Variants in TBCD observed in about 807,000 individuals in gnomAD.
TBCD encodes the protein tubulin folding cofactor D, also known as tubulin-specific chaperone D.
In TBCD, 105 loss-of-function variants were observed where a neutral mutation model predicts 169.3. The observed-to-expected ratio is 0.62, with a 90% CI of 0.53 to 0.73. The LOEUF is 0.73. Among genes scored for constraint, TBCD ranks in the 30% least tolerant of loss-of-function variants. TBCD has a pLI of 0.00. For synonymous variants in TBCD, 700 were observed against 643.9 expected (o/e 1.09, Z -1.32); for missense variants, 1,444 against 1,600.1 (o/e 0.90, Z 1.66).
chr17:82,758,384 G>GGA (rs1555672563), intron 2 of TBCD, among the ~76,000 whole-genome samples: 34 of 25,016 alleles, frequency 1.4e-3, no homozygotes, highest in South Asian at 3.9e-3. Flanking sequence ...AAACGTCTCG[G>GGA]AAAAAAAAAA....
chr17:82,910,855 G>A (rs561639145), intron 22 of TBCD, among the ~76,000 whole-genome samples: 51 of 152,286 alleles, frequency 3.3e-4, no homozygotes, highest in African/African-American at 1.1e-3. Context: ...CTGAGCCACC[G>A]CGCCCAGCCT....
At chr17:82,900,495 T>A in intron 17 of TBCD, 156 bp from the exon 18 acceptor site, 1 of 625,052 alleles carries the variant, frequency 1.6e-6, no homozygotes, top group Non-Finnish European at 2.9e-6. Flanking sequence ...GCTCTTTTCT[T>A]TTGGGTAACT....
At chr17:82,768,276 C>T in intron 4 of TBCD, 144 bp from the exon 5 acceptor site, 1 of 973,426 alleles carries the variant, frequency 1.0e-6, no homozygotes, top group South Asian at 1.6e-5. Context: ...GAACGGCTTG[C>T]ATTTCTGGCC....
At chr17:82,907,848 C>A in intron 21 of TBCD, 27 bp downstream of exon 21, 2 of 1,609,204 alleles carry the variant, frequency 1.2e-6, no homozygotes, top group Non-Finnish European at 1.7e-6. Flanking sequence ...TGGGTGTACC[C>A]TCAGGAGGCA....
chr17:82,831,268 T>G lies in TBCD; in HGVS notation c.1318+16334T>G. On this transcript the variant is annotated intron_variant, in intron 13 of 38. Transcript: ENST00000355528. The surrounding 1 kb of genome is among the most constrained non-coding windows in gnomAD (Gnocchi z 4.6). ...TGCGCGGGGGCTCATTTTGGACCCT[T>G]CCGTGTCTCTCTGCCCAGCCTTGGA... is the stretch of plus-strand genomic sequence containing the variant. 1.2e-6 allele frequency: 2 copies of G among 1,613,870 alleles called. No individual in the cohort carries two copies. The highest frequency in any genetic ancestry group is 1.7e-6 in the Non-Finnish European group (2 of 1,180,028).
intron 13 of TBCD, among the ~76,000 whole-genome samples, chr17:82,837,637 G>C (rs1422275055): frequency 6.6e-6 from 1 of 152,112 alleles, no homozygotes; most frequent in Non-Finnish European, 1.5e-5. Context: ...AGACCTCGGT[G>C]TGATCCTGAA....
At chr17:82,863,201 A>G (rs1175060643) in intron 13 of TBCD, among the ~76,000 whole-genome samples, 2 of 152,216 alleles carry the variant, frequency 1.3e-5, no homozygotes, top group African/African-American at 4.8e-5. Context: ...GTCCAGGCTT[A>G]GTCCTCAGAT....
chr17:82,868,314 G>A (rs1172484033), intron 13 of TBCD, among the ~76,000 whole-genome samples: 1 of 152,136 alleles, frequency 6.6e-6, no homozygotes, highest in Admixed American at 6.5e-5. Context: ...GTGGCTTGGA[G>A]AGGGGTGGGC....
intron 8 of TBCD, among the ~76,000 whole-genome samples, chr17:82,798,320 G>A (rs1297390331): frequency 6.6e-6 from 1 of 151,978 alleles, no homozygotes; most frequent in African/African-American, 2.4e-5. Context: ...CTAATTTTTT[G>A]TATTTTTAGT....
chr17:82,906,786 C>T (rs547178320), intron 20 of TBCD, among the ~76,000 whole-genome samples: 3 of 152,272 alleles, frequency 2.0e-5, no homozygotes, highest in Non-Finnish European at 2.9e-5. Context: ...AAGCTCTGGT[C>T]GGCCCCGAGC....
chr17:82,772,620 T>A lies in TBCD; in HGVS notation c.638+113T>A, dbSNP rs1365879866. 3.5e-6 allele frequency: 4 copies of A among 1,137,224 alleles called. No individual in the cohort carries two copies. In the African/African-American group the frequency reaches 4.6e-5, roughly 13 times the overall value. The allele number at this position is 1,137,224 out of a possible 1,614,324, so 70.4% of individuals were successfully genotyped here. On this transcript the variant is annotated intron_variant, in intron 6 of 38. Transcript: ENST00000355528. ...TCCTCAGACGAAGGACCCCGGGAAG[T>A]CTTTGGACTCTGTGGCTTTCTCTGA...
chr17:82,800,996 G>T lies in TBCD; in HGVS notation c.950G>T (p.Arg317Met). 1 of 1,606,794 alleles carries T rather than the reference G, an allele frequency of 6.2e-7. No individual in the cohort carries two copies. Among genetic ancestry groups the T allele is most frequent in the Non-Finnish European group, 8.5e-7 (1 of 1,177,624 alleles). The change falls in exon 9 of 39, where the codon AGG becomes ATG. Residue 317 changes from arginine (R) to methionine (M), a missense_variant and splice_region_variant. Coordinates refer to ENST00000355528, the MANE Select transcript of TBCD (RefSeq NM_005993.5). ...CTGAAGCCGAAGGTGGCAGCATGGA[G>T]GTAGGCACCATGAGGGCGGTGCCTG... ...TFLKPKVAAW[R>M]YQRGCRSLAA...
chr17:82,809,165 C>T (rs139258113), intron 11 of TBCD, among the ~76,000 whole-genome samples: 144 of 152,178 alleles, frequency 9.5e-4, no homozygotes, highest in Non-Finnish European at 1.8e-3. Context: ...GATGGGCCCA[C>T]GCAGTGAGAG....
chr17:82,930,133 C>T lies in TBCD; in HGVS notation c.2992-389C>T, dbSNP rs886579599. Reference sequence around the variant, plus strand: ...AGGTGCCCTCTGCGCCGTGCGGGCGCGTGCGGGGAGACCCGGGCCACATGC... The same window carrying T: ...AGGTGCCCTCTGCGCCGTGCGGGCGTGTGCGGGGAGACCCGGGCCACATGC... On this transcript the variant is annotated intron_variant, in intron 32 of 38. Transcript: ENST00000355528. This position sits in a 1 kb window ranked among gnomAD's most constrained non-coding sequence, Gnocchi z 5.2. 13 of 283,836 alleles carry T rather than the reference C, an allele frequency of 4.6e-5. No individual in the cohort carries two copies. The highest frequency in any genetic ancestry group is 2.2e-4 in the African/African-American group (10 of 44,926). 17.6% of individuals were successfully genotyped at this position (283,836 alleles called of 1,614,324 possible).
intron 12 of TBCD, among the ~76,000 whole-genome samples, chr17:82,812,002 G>C (rs1317143416): frequency 6.6e-6 from 1 of 152,214 alleles, no homozygotes; most frequent in African/African-American, 2.4e-5. Flanking sequence ...TTCAGGATCT[G>C]TGTGGCTGAT....
chr17:82,794,638 C>A lies in TBCD; in HGVS notation c.772-3119C>A, dbSNP rs545286328. On this transcript the variant is annotated intron_variant, in intron 7 of 38. Coordinates refer to ENST00000355528, the MANE Select transcript of TBCD (RefSeq NM_005993.5). ...TGCTGACAGGTACCCCATCCCACCG[C>A]CACGCTGAGCACTGGCCACTGCACA... Among the ~76,000 whole-genome samples the A allele has an allele frequency of 2.0e-5, 3 of 152,252 alleles. No individual in the cohort carries two copies. The South Asian group carries it at 6.2e-4, about 32-fold the overall frequency.
At chr17:82,768,670 C>T (rs1488939579) in intron 5 of TBCD, 104 bp downstream of exon 5, 1 of 1,294,924 alleles carries the variant, frequency 7.7e-7, no homozygotes, top group African/African-American at 1.5e-5. Flanking sequence ...ATGTATTCAA[C>T]TGCTGTTTTT....
chr17:82,814,828 T>C lies in TBCD; in HGVS notation c.1224-12T>C, dbSNP rs1182568959. The C allele has an allele frequency of 1.8e-5, 29 of 1,613,684 alleles. No individual in the cohort carries two copies. Among genetic ancestry groups the C allele is most frequent in the East Asian group, 4.5e-5 (2 of 44,888 alleles). On this transcript the variant is annotated splice_polypyrimidine_tract_variant and intron_variant, in intron 12 of 38. Coordinates refer to ENST00000355528, the MANE Select transcript of TBCD (RefSeq NM_005993.5). ...ACGTGGGCTGTGGTCTCAGGATCTT[T>C]GTTGCTCTCAGTTTCCAGGAGACTG...
rs935857287 is a variant in TBCD at position 82,871,231 on chromosome 17, A to C, written c.1475+851A>C. ...ATACTTTTTGCTTAGGAAACATGCAAAACATGTGTCCCCAGCGCAGGAAAC... is the reference window on the plus strand; with the variant it reads ...ATACTTTTTGCTTAGGAAACATGCACAACATGTGTCCCCAGCGCAGGAAAC... On this transcript the variant is annotated intron_variant, in intron 14 of 38. Coordinates refer to ENST00000355528, the MANE Select transcript of TBCD (RefSeq NM_005993.5). 2.1e-3 allele frequency among the ~76,000 whole-genome samples: 4 copies of C among 1,898 alleles called. No individual in the cohort carries two copies. In the Non-Finnish European group the frequency reaches 0.12, roughly 59 times the overall value. The allele number at this position is 1,898 out of a possible 152,430, so 1.2% of individuals were successfully genotyped here. A position where few individuals can be genotyped will look rare whatever the true frequency, so the allele number is the denominator to read the frequency against.
Sources: gnomAD v4.1 joint callset for allele counts (sites outside exome capture counted in the v4.1 genomes callset) on GRCh38, gnomAD v4.1.1 for gene constraint, Gnocchi (gnomAD v3.1) non-coding constraint, MANE v1.5 for transcripts, NCBI Gene and HGNC (gene_info 2026-07-23, HGNC 2026-07-21) for gene names.